Variants in CNBD1 observed in about 807,000 individuals in gnomAD.
CNBD1 encodes the protein cyclic nucleotide binding domain containing 1, also known as cyclic nucleotide-binding domain-containing protein 1.
CNBD1 carries 71 observed loss-of-function variants against 54.4 expected under a neutral mutation model. That is an observed-to-expected ratio of 1.30 (90% CI 1.08 to 1.59). The LOEUF is 1.59. Among genes scored for constraint, CNBD1 ranks in the 40% most tolerant of loss-of-function variants. The pLI is 0.00. For missense variants in CNBD1, 659 were observed against 518.0 expected (o/e 1.27, Z -2.64); for synonymous variants, 182 against 170.7 (o/e 1.07, Z -0.51).
At chr8:87,274,389 A>T (rs1033947815) in intron 6 of CNBD1, among the ~76,000 whole-genome samples, 1 of 145,944 alleles carries the variant, frequency 6.9e-6, no homozygotes, top group Non-Finnish European at 1.5e-5. Context: ...TCCCACCAAC[A>T]GTGTAAAAGT....
intron 6 of CNBD1, among the ~76,000 whole-genome samples, chr8:87,250,762 C>T (rs982712440): frequency 6.6e-6 from 1 of 151,942 alleles, no homozygotes; most frequent in South Asian, 2.1e-4. Context: ...AATGTGGGAG[C>T]TTAAGAAAAA....
intron 4 of CNBD1, among the ~76,000 whole-genome samples, chr8:87,153,042 G>A (rs1812639329): frequency 6.6e-6 from 1 of 152,158 alleles, no homozygotes. Flanking sequence ...TCGTTCTACA[G>A]ATGATCAACT....
At chr8:87,036,816 A>G (rs1187893070) in intron 4 of CNBD1, among the ~76,000 whole-genome samples, 2 of 151,954 alleles carry the variant, frequency 1.3e-5, no homozygotes, top group East Asian at 1.9e-4. Context: ...TTTTTTCCCT[A>G]GAAGCCACCT....
intron 4 of CNBD1, among the ~76,000 whole-genome samples, chr8:87,162,660 C>T (rs979613930): frequency 1.3e-5 from 2 of 152,036 alleles, no homozygotes; most frequent in African/African-American, 4.8e-5. Context: ...GCTATGTAAG[C>T]TGGAAAGCCC....
chr8:87,246,157 A>T (rs957819661), intron 6 of CNBD1, among the ~76,000 whole-genome samples: 4 of 152,142 alleles, frequency 2.6e-5, no homozygotes, highest in African/African-American at 9.7e-5. Context: ...ACACAAAATG[A>T]TGAAAAGATG....
chr8:87,402,170 C>T (rs1245600606), intron 2 of CNBD1, among the ~76,000 whole-genome samples: 1 of 151,962 alleles, frequency 6.6e-6, no homozygotes, highest in African/African-American at 2.4e-5. Flanking sequence ...ACCATCAAAT[C>T]TCATGAGATG....
chr8:87,232,949 T>C (rs535814112), intron 5 of CNBD1, among the ~76,000 whole-genome samples: 1 of 152,176 alleles, frequency 6.6e-6, no homozygotes, highest in African/African-American at 2.4e-5. Flanking sequence ...ATTTAATTAT[T>C]ATTATTAGAT....
chr8:87,140,185 A>G (rs1453536250), intron 4 of CNBD1, among the ~76,000 whole-genome samples: 1 of 152,036 alleles, frequency 6.6e-6, no homozygotes, highest in Non-Finnish European at 1.5e-5. Flanking sequence ...TATATTGTGT[A>G]TGTTAAATTT....
At chr8:87,269,415 G>A (rs1414277775) in intron 6 of CNBD1, among the ~76,000 whole-genome samples, 1 of 151,970 alleles carries the variant, frequency 6.6e-6, no homozygotes, top group East Asian at 1.9e-4. Flanking sequence ...CTATTTTTTG[G>A]TTCCATATGA....
intron 4 of CNBD1, among the ~76,000 whole-genome samples, chr8:87,109,739 C>T (rs1022029331): frequency 8.6e-5 from 13 of 151,886 alleles, no homozygotes; most frequent in African/African-American, 2.2e-4. Flanking sequence ...AGGGTCTCAC[C>T]GTGTTAGCCA....
chr8:87,329,349 A>C (rs1057319472), intron 8 of CNBD1, among the ~76,000 whole-genome samples: 1 of 152,100 alleles, frequency 6.6e-6, no homozygotes, highest in Non-Finnish European at 1.5e-5. Flanking sequence ...CAGTCTTTCA[A>C]CTTTGTTCTT....
intron 3 of CNBD1, among the ~76,000 whole-genome samples, chr8:86,926,497 C>T (rs1809363453): frequency 6.6e-6 from 1 of 152,142 alleles, no homozygotes; most frequent in African/African-American, 2.4e-5. Context: ...CAAGTAATAC[C>T]AAGATGGCTG....
At chr8:87,024,226 G>A (rs181824217) in intron 4 of CNBD1, among the ~76,000 whole-genome samples, 1,248 of 124,300 alleles carry the variant, frequency 0.01, 24 homozygotes, top group African/African-American at 0.037. Context: ...GTGACAGAGC[G>A]AGACTCCATC....
intron 5 of CNBD1, among the ~76,000 whole-genome samples, chr8:87,230,124 G>C (rs13252391): frequency 0.39 from 59,518 of 151,982 alleles, 13,231 homozygotes; most frequent in Non-Finnish European, 0.5. Context: ...GGAACAGAGA[G>C]AAGAGGGAGG....
chr8:87,254,240 C>T (rs183176015), intron 6 of CNBD1, among the ~76,000 whole-genome samples: 17 of 151,954 alleles, frequency 1.1e-4, no homozygotes, highest in Non-Finnish European at 2.2e-4. Context: ...ACTAAGCAAG[C>T]CTGAGAATAA....
chr8:86,867,911 G>A (rs1385431874), intron 1 of CNBD1, among the ~76,000 whole-genome samples: 7 of 152,140 alleles, frequency 4.6e-5, no homozygotes, highest in Admixed American at 4.6e-4. Context: ...TTAGATCTCA[G>A]AACTGAATAG....
rs1563566257 is a variant in CNBD1, at chr8:87,353,751, T to TTA, written c.1269_1270insAT (p.Glu424MetfsTer24). ...TGCACAATCATTACCAAAAAAGAAG[T>TTA]TGAGATGGCAATCATTGAAGATAAG... On this transcript the variant is annotated frameshift_variant, in exon 10 of 11. Transcript: ENST00000518476. LOFTEE classifies it high-confidence loss of function. 1.2e-6 allele frequency: 2 copies of TTA among 1,610,706 alleles called. No homozygotes were observed. Among genetic ancestry groups the TTA allele is most frequent in the South Asian group, 2.2e-5 (2 of 90,134 alleles).
At chr8:87,300,491 C>A (rs959566911) in intron 8 of CNBD1, among the ~76,000 whole-genome samples, 2 of 152,090 alleles carry the variant, frequency 1.3e-5, no homozygotes, top group Admixed American at 1.3e-4. Context: ...TTCTAAGAAG[C>A]TAAAATTTTG....
chr8:87,031,903 G>A (rs1006204293), intron 4 of CNBD1, among the ~76,000 whole-genome samples: 2 of 152,018 alleles, frequency 1.3e-5, no homozygotes, highest in South Asian at 4.1e-4. Flanking sequence ...ACCACACCCA[G>A]CTAATTTTTG....
Sources: allele counts gnomAD v4.1 joint callset (sites outside exome capture counted in the v4.1 genomes callset), GRCh38; gene constraint gnomAD v4.1.1; transcripts MANE v1.5; gene names NCBI Gene and HGNC (gene_info 2026-07-23, HGNC 2026-07-21).